The following AFF2 variants were observed in gnomAD, a reference collection of about 807,000 sequenced individuals.
The protein encoded by AFF2 is AF4/FMR2 family member 2.
In AFF2, 14 loss-of-function variants were observed where a neutral mutation model predicts 76.9. That is an observed-to-expected ratio of 0.18 (90% CI 0.12 to 0.28). The LOEUF (loss-of-function observed/expected upper bound fraction) is 0.28, where lower values mean the gene tolerates loss of function less well. Ranked by LOEUF, AFF2 falls within the 10% of genes least tolerant of loss-of-function variation. The pLI, the probability that AFF2 is intolerant of heterozygous loss-of-function variation, is 1.00. For missense variants in AFF2, 868 were observed against 1,001.1 expected, an observed-to-expected ratio of 0.87 and a Z score of 1.79; for synonymous variants, 398 against 366.7, an observed-to-expected ratio of 1.09 and a Z score of -0.98.
intron 8 of AFF2, among the ~76,000 whole-genome samples, chrX:148,902,383 A>C (rs1170396634): frequency 1.8e-5 from 2 of 112,226 alleles, no homozygotes; most frequent in Non-Finnish European, 3.8e-5. Context: ...GATTGAAAAA[A>C]GTGGATTCAC....
At position 148,782,144 on chromosome X, in the gene AFF2, G is replaced by A. The variant is rs181168166; in HGVS notation, c.1042-27732G>A. Among the ~76,000 whole-genome samples, 69 of 111,474 alleles carry A rather than the reference G, an allele frequency of 6.2e-4. 1 individual carries two copies. The highest frequency in any genetic ancestry group is 2.1e-3 in the African/African-American group (64 of 30,691). ...TGTTCCTATTTGGACATCTTGCCTG[G>A]GGAGTCTTTAAGATCCTCAATCACA... On this transcript the variant is annotated intron_variant, in intron 3 of 20. Coordinates refer to ENST00000370460, the MANE Select transcript of AFF2 (RefSeq NM_002025.4).
chrX:148,988,158 A>C (rs1389861593), intron 20 of AFF2, among the ~76,000 whole-genome samples: 1 of 112,152 alleles, frequency 8.9e-6, no homozygotes, highest in Non-Finnish European at 1.9e-5. Context: ...TTGGTGACTC[A>C]TGCAGACATC....
chrX:148,818,141 TGAGAGATAATGC>T (rs2070288523), intron 4 of AFF2, among the ~76,000 whole-genome samples: 1 of 111,420 alleles, frequency 9.0e-6, no homozygotes, highest in Non-Finnish European at 1.9e-5. Flanking sequence ...GGCATTAAAG[TGAGAGATAATGC>T]TTAAAATGGT....
At chrX:148,774,145 G>A (rs1557268356) in intron 3 of AFF2, among the ~76,000 whole-genome samples, 1 of 111,844 alleles carries the variant, frequency 8.9e-6, no homozygotes, top group African/African-American at 3.2e-5. Flanking sequence ...TAGTTTACAT[G>A]CCAACTTTTC....
chrX:148,888,715 A>G (rs2071188881), intron 8 of AFF2, among the ~76,000 whole-genome samples: 1 of 111,086 alleles, frequency 9.0e-6, no homozygotes, highest in Admixed American at 9.6e-5. Context: ...TTTTGGAACC[A>G]CTCTTGCTCT....
intron 1 of AFF2, among the ~76,000 whole-genome samples, chrX:148,529,811 C>T (rs1352071671): frequency 5.4e-5 from 6 of 111,446 alleles, no homozygotes; most frequent in Non-Finnish European, 7.5e-5. Flanking sequence ...ATGGTTGTAA[C>T]GATTATTAAA....
intron 8 of AFF2, among the ~76,000 whole-genome samples, chrX:148,902,424 A>G (rs782217710): frequency 1.8e-5 from 2 of 112,059 alleles, no homozygotes; most frequent in East Asian, 5.6e-4. Flanking sequence ...TCTTCAGCCT[A>G]CTAGTATATC....
At chrX:148,767,064 T>A (rs1254960499) in intron 3 of AFF2, among the ~76,000 whole-genome samples, 1 of 111,375 alleles carries the variant, frequency 9.0e-6, no homozygotes, top group East Asian at 2.8e-4. Context: ...AATGCCATTT[T>A]AATATAACTT....
chrX:148,787,566 T>A (rs1465131600), intron 3 of AFF2, among the ~76,000 whole-genome samples: 1 of 112,078 alleles, frequency 8.9e-6, no homozygotes, highest in Non-Finnish European at 1.9e-5. Flanking sequence ...ACGAGGAGAA[T>A]TCAAAGTTCA....
intron 3 of AFF2, among the ~76,000 whole-genome samples, chrX:148,736,133 A>G (rs1351363693): frequency 1.8e-5 from 2 of 112,292 alleles, no homozygotes; most frequent in African/African-American, 6.5e-5. Context: ...TTAGATACCC[A>G]GTAGTGGGAT....
chrX:148,735,180 C>T (rs2055270814), intron 3 of AFF2, among the ~76,000 whole-genome samples: 2 of 112,012 alleles, frequency 1.8e-5, no homozygotes, highest in Non-Finnish European at 3.8e-5. Context: ...ACCAAAGACC[C>T]AGGAAAATAA....
At chrX:148,503,771 T>A (rs1013221899) in intron 1 of AFF2, among the ~76,000 whole-genome samples, 67 of 112,403 alleles carry the variant, frequency 6.0e-4, no homozygotes, top group African/African-American at 2.2e-3. Context: ...GCAGTGTGCA[T>A]GTTATGTGCA....
rs782578723 is a variant in AFF2 at position 148,806,788 on chromosome X, ACT to A, written c.1042-3085_1042-3084del. ...TTTTCCTATCCCATCTAGACATTTA[ACT>A]CTGAGAGAAAGAACCTGAGACTCCG... On this transcript the variant is annotated intron_variant, in intron 3 of 20. Coordinates refer to ENST00000370460, the MANE Select transcript of AFF2 (RefSeq NM_002025.4). 2.2e-4 allele frequency among the ~76,000 whole-genome samples: 25 copies of A among 111,930 alleles called. No homozygotes were observed. In the East Asian group the frequency reaches 7.1e-3, roughly 32 times the overall value.
chrX:148,504,244 G>A (rs1475584548), intron 1 of AFF2, among the ~76,000 whole-genome samples: 5 of 110,822 alleles, frequency 4.5e-5, no homozygotes, highest in Non-Finnish European at 9.4e-5. Context: ...GTATTGCTTT[G>A]TGACAAGCCA....
chrX:148,879,169 T>C (rs1234846534), intron 7 of AFF2, among the ~76,000 whole-genome samples: 2 of 112,158 alleles, frequency 1.8e-5, no homozygotes, highest in Non-Finnish European at 1.9e-5. Flanking sequence ...TCTACTATTC[T>C]CCTACTGTTG....
chrX:148,587,414 C>T (rs1382866126), intron 1 of AFF2, among the ~76,000 whole-genome samples: 1 of 112,028 alleles, frequency 8.9e-6, no homozygotes, highest in Non-Finnish European at 1.9e-5. Context: ...AGCAAAGTGC[C>T]TGTGACTGGC....
intron 3 of AFF2, among the ~76,000 whole-genome samples, chrX:148,694,261 A>G (rs1385051350): frequency 9.0e-6 from 1 of 110,509 alleles, no homozygotes; most frequent in African/African-American, 3.3e-5. Context: ...TCACATATAT[A>G]CACATGTAAC....
At chrX:148,956,932 C>CT (rs1347646661) in intron 11 of AFF2, among the ~76,000 whole-genome samples, 1 of 112,723 alleles carries the variant, frequency 8.9e-6, no homozygotes, top group African/African-American at 3.2e-5. Flanking sequence ...TCTTCTAGGG[C>CT]TTTTTAATTT....
intron 7 of AFF2, among the ~76,000 whole-genome samples, chrX:148,881,454 T>C (rs2071095377): frequency 9.0e-6 from 1 of 111,098 alleles, no homozygotes; most frequent in African/African-American, 3.3e-5. Context: ...CACTCATTTT[T>C]TTCTGAACTC....
Sources: gnomAD v4.1 joint callset for allele counts (sites outside exome capture counted in the v4.1 genomes callset) on GRCh38, gnomAD v4.1.1 for gene constraint, MANE v1.5 for transcripts, NCBI Gene and HGNC (gene_info 2026-07-23, HGNC 2026-07-21) for gene names.